The following MGAM2 variants were observed in gnomAD, a reference collection of about 807,000 sequenced individuals.
The protein encoded by MGAM2 is probable maltase-glucoamylase 2.
In MGAM2, 98 loss-of-function variants were observed where a neutral mutation model predicts 96.1. The ratio of observed to expected loss-of-function variants is 1.02; its 90% CI spans 0.87 to 1.21. MGAM2 has a LOEUF of 1.21. Ranked by LOEUF, MGAM2 falls within the 50% of genes most tolerant of loss-of-function variation. The pLI, the probability that MGAM2 is intolerant of heterozygous loss-of-function variation, is 0.00. For missense variants in MGAM2, 2,055 were observed against 1,182.4 expected (o/e 1.74, Z -10.82); for synonymous variants, 749 against 414.8 (o/e 1.81, Z -9.79).
intron 6 of MGAM2, among the ~76,000 whole-genome samples, chr7:142,132,437 A>C (rs112328199): frequency 0.065 from 9,022 of 139,256 alleles, 1,012 homozygotes; most frequent in African/African-American, 0.23. Flanking sequence ...TATTAATATA[A>C]TTAATAATAT....
chr7:142,220,103 T>G lies in MGAM2; in HGVS notation c.5592T>G (p.Ser1864=). 1 of 702,952 alleles carries G rather than the reference T, an allele frequency of 1.4e-6. No homozygotes were observed. Among genetic ancestry groups the G allele is most frequent in the South Asian group, 1.5e-5 (1 of 67,598 alleles). 43.5% of individuals were successfully genotyped at this position (702,952 alleles called of 1,614,324 possible). The change falls in exon 48 of 48, where the codon TCT becomes TCG. Residue 1864 remains serine (S), a synonymous_variant. Coordinates refer to ENST00000477922, the MANE Select transcript of MGAM2 (RefSeq NM_001293626.2). ...ATACTGTTCCTATCACAACCACATC[T>G]TTCCCAAGTACTACTAGTGTTACAA... is the stretch of plus-strand genomic sequence containing the variant. ...TTDTVPITTT[S]FPSTTSVTTN...
chr7:142,126,355 C>A (rs917190611), intron 3 of MGAM2, among the ~76,000 whole-genome samples: 1 of 151,802 alleles, frequency 6.6e-6, no homozygotes. Flanking sequence ...TTTGGACTGT[C>A]CTTTTTCAGT....
intron 45 of MGAM2, among the ~76,000 whole-genome samples, chr7:142,206,932 T>A (rs181204974): frequency 6.6e-6 from 1 of 152,350 alleles, no homozygotes; most frequent in Admixed American, 6.5e-5. Context: ...ACAATTTTTT[T>A]ATTAACTGCT....
At chr7:142,178,527 T>C (rs573632036) in intron 32 of MGAM2, among the ~76,000 whole-genome samples, 1 of 152,344 alleles carries the variant, frequency 6.6e-6, no homozygotes, top group East Asian at 1.9e-4. Context: ...AGTTAATTTT[T>C]GTATATAGTG....
Position 142,167,344 on chromosome 7 carries a change from T to C in MGAM2, c.2885T>C (p.Leu962Pro), listed in dbSNP as rs1353110284. Residue 962 changes from leucine (L) to proline (P), a missense_variant, in exon 26 of 48, where the codon CTG (leucine) becomes CCG (proline). Leu to Pro is a moderately conservative substitution (Grantham distance 98). Coordinates refer to ENST00000477922, the MANE Select transcript of MGAM2 (RefSeq NM_001293626.2). ...TATGTTGCTAGTGATATTCAGTACC[T>C]GAACACCAGCATCACTGCAGACCTT... Reference protein sequence around the residue: ...PNYVASDIQYLNTSITADLSL... With the variant: ...PNYVASDIQYPNTSITADLSL... 1 of 702,940 alleles carries C rather than the reference T, an allele frequency of 1.4e-6. No individual in the cohort carries two copies. 43.5% of individuals were successfully genotyped at this position (702,940 alleles called of 1,614,324 possible). A position where few individuals can be genotyped will look rare whatever the true frequency, so the allele number is the denominator to read the frequency against.
At chr7:142,187,358 T>C (rs1796731090) in intron 35 of MGAM2, among the ~76,000 whole-genome samples, 1 of 152,200 alleles carries the variant, frequency 6.6e-6, no homozygotes, top group African/African-American at 2.4e-5. Context: ...GAATAATCCA[T>C]GCGTAGTAAA....
At chr7:142,143,645 G>C (rs1379545175) in intron 12 of MGAM2, 124 bp from the exon 13 acceptor site, 1 of 450,556 alleles carries the variant, frequency 2.2e-6, no homozygotes, top group Non-Finnish European at 4.0e-6. Flanking sequence ...TTTTTGTTGG[G>C]GTAGTCACAC....
intron 46 of MGAM2, among the ~76,000 whole-genome samples, chr7:142,215,569 TGACCAACATGGA>T (rs1338036967): frequency 6.6e-6 from 1 of 151,998 alleles, no homozygotes; most frequent in Non-Finnish European, 1.5e-5. Context: ...GAGACCAGCC[TGACCAACATGGA>T]GAAAACCCTG....
chr7:142,183,522 T>C (rs1015030635), intron 33 of MGAM2, 149 bp downstream of exon 33: 3 of 575,676 alleles, frequency 5.2e-6, no homozygotes, highest in Admixed American at 3.1e-5. Context: ...TCAATAAGCA[T>C]TAATAAGACC....
intron 32 of MGAM2, among the ~76,000 whole-genome samples, chr7:142,179,895 C>G (rs961130339): frequency 1.3e-5 from 2 of 151,728 alleles, no homozygotes; most frequent in African/African-American, 4.8e-5. Flanking sequence ...AGGGAGGCAT[C>G]CCTCCTCAAG....
intron 17 of MGAM2, among the ~76,000 whole-genome samples, chr7:142,157,226 A>G (rs1186761680): frequency 1.3e-5 from 2 of 152,160 alleles, no homozygotes; most frequent in African/African-American, 2.4e-5. Context: ...TTTTAGTAGT[A>G]GTACAACTTA....
chr7:142,186,274 A>G (rs1796696752), intron 35 of MGAM2, among the ~76,000 whole-genome samples, 151 bp downstream of exon 35: 1 of 152,152 alleles, frequency 6.6e-6, no homozygotes, highest in African/African-American at 2.4e-5. Context: ...GCTAGGACCA[A>G]GAGAAGCAGA....
chr7:142,195,179 ACG>A (rs1796993143), intron 37 of MGAM2, among the ~76,000 whole-genome samples: 7 of 150,768 alleles, frequency 4.6e-5, no homozygotes, highest in Non-Finnish European at 3.0e-5. Flanking sequence ...CTACAGACAC[ACG>A]TGCACCACCC....
At chr7:142,114,868 A>G (rs1476505835) in intron 1 of MGAM2, among the ~76,000 whole-genome samples, 1 of 152,152 alleles carries the variant, frequency 6.6e-6, no homozygotes, top group Non-Finnish European at 1.5e-5. Context: ...ATGATACTGC[A>G]TGAGAATAAG....
At chr7:142,183,455 T>C in intron 33 of MGAM2, 82 bp downstream of exon 33, 1 of 653,452 alleles carries the variant, frequency 1.5e-6, no homozygotes, top group South Asian at 1.7e-5. Flanking sequence ...CATTGGAAAA[T>C]ATATTGGACA....
intron 45 of MGAM2, among the ~76,000 whole-genome samples, chr7:142,207,672 G>A (rs760394651): frequency 3.9e-4 from 60 of 151,976 alleles, no homozygotes; most frequent in Non-Finnish European, 7.4e-4. Flanking sequence ...CTCGTGATGC[G>A]CCCGCCTCGG....
chr7:142,121,240 G>A (rs1006861746), intron 3 of MGAM2, among the ~76,000 whole-genome samples: 7 of 151,816 alleles, frequency 4.6e-5, no homozygotes, highest in Non-Finnish European at 1.0e-4. Context: ...GCAGTGGCGC[G>A]GATCTTGGCT....
In MGAM2 at chr7:142,219,790, A is replaced by T; in HGVS notation, c.5359-80A>T. 4 of 610,480 alleles carry T rather than the reference A, an allele frequency of 6.6e-6. No homozygotes were observed. The Admixed American group carries it at 1.1e-4, about 17-fold the overall frequency. The allele number at this position is 610,480 out of a possible 1,614,324, so 37.8% of individuals were successfully genotyped here. Reference sequence around the variant, plus strand: ...GGAATGAATCCATCATTTTTTGTTAAATTGTAATTTAAGAGGTGAGCTACA... The same window carrying T: ...GGAATGAATCCATCATTTTTTGTTATATTGTAATTTAAGAGGTGAGCTACA... On this transcript the variant is annotated intron_variant, in intron 47 of 47. Transcript: ENST00000477922.
chr7:142,167,682 C>T (rs1007045855), intron 26 of MGAM2, among the ~76,000 whole-genome samples, 196 bp downstream of exon 26: 1 of 152,202 alleles, frequency 6.6e-6, no homozygotes, highest in Non-Finnish European at 1.5e-5. Flanking sequence ...AAGCCATCTT[C>T]CCACCTCAGC....
Sources: allele counts gnomAD v4.1 joint callset (sites outside exome capture counted in the v4.1 genomes callset), GRCh38; gene constraint gnomAD v4.1.1; transcripts MANE v1.5; gene names NCBI Gene and HGNC (gene_info 2026-07-23, HGNC 2026-07-21).